Variants in COL8A1 observed in about 807,000 individuals in gnomAD.
The protein encoded by COL8A1 is collagen alpha-1(VIII) chain.
Under a neutral mutation model 42.7 loss-of-function variants are expected in COL8A1, and 21 were observed. The observed-to-expected ratio is 0.49, with a 90% CI of 0.35 to 0.71. The LOEUF is 0.71. Among genes scored for constraint, COL8A1 ranks in the 30% least tolerant of loss-of-function variants. COL8A1 has a pLI of 0.01. For missense variants in COL8A1, 788 were observed against 962.4 expected, an observed-to-expected ratio of 0.82 and a Z score of 2.40; for synonymous variants, 367 against 369.1, an observed-to-expected ratio of 0.99 and a Z score of 0.06.
At chr3:99,755,898 G>A (rs1269012955) in intron 2 of COL8A1, among the ~76,000 whole-genome samples, 3 of 152,014 alleles carry the variant, frequency 2.0e-5, no homozygotes, top group African/African-American at 7.3e-5. Context: ...AACTGGGGTG[G>A]GGAGCCACAG....
In COL8A1 at chr3:99,794,366, A is replaced by G; in HGVS notation, c.465A>G (p.Pro155=). Residue 155 remains proline, a synonymous_variant, in exon 4 of 4, where the codon CCA becomes CCG. Coordinates refer to ENST00000652472, the MANE Select transcript of COL8A1 (RefSeq NM_020351.4). This position sits in a 1 kb window ranked among gnomAD's most constrained non-coding sequence, Gnocchi z 4.3. ...IKGKPGPQGY[P]GVGKPGMPGM... is the part of the protein sequence containing the mutation. ...GAAAACCAGGGCCACAGGGATATCC[A>G]GGAGTTGGAAAGCCAGGTATGCCTG... 1 of 1,614,020 alleles carries G rather than the reference A, an allele frequency of 6.2e-7. No individual in the cohort carries two copies. The highest frequency in any genetic ancestry group is 2.2e-5 in the East Asian group (1 of 44,856).
At chr3:99,714,606 C>T (rs567180378) in intron 1 of COL8A1, among the ~76,000 whole-genome samples, 1 of 152,170 alleles carries the variant, frequency 6.6e-6, no homozygotes, top group Non-Finnish European at 1.5e-5. Context: ...GACAATAGTC[C>T]CAGGGACCTG....
At chr3:99,728,634 G>A (rs1209573740) in intron 1 of COL8A1, among the ~76,000 whole-genome samples, 1 of 151,802 alleles carries the variant, frequency 6.6e-6, no homozygotes, top group Non-Finnish European at 1.5e-5. Flanking sequence ...TTTTAAACTT[G>A]CCCAATACAA....
chr3:99,707,035 T>A (rs1939698817), intron 1 of COL8A1: 1 of 151,982 alleles, frequency 6.6e-6, no homozygotes, highest in Admixed American at 6.6e-5. Context: ...ATAAAATAGA[T>A]GAAAAATAAG....
In COL8A1 at chr3:99,697,056, G is replaced by T. The variant is rs1054316521; in HGVS notation, c.-128-47841G>T. On this transcript the variant is annotated intron_variant, in intron 1 of 3. Transcript: ENST00000652472. ...GGCTGGAGTGCAGTGGCGGGATCTC[G>T]GCTCACTGCAAGCTCCGCCTCCCGG... 6.9e-4 allele frequency among the ~76,000 whole-genome samples: 92 copies of T among 134,258 alleles called. 1 individual carries two copies. Among genetic ancestry groups the T allele is most frequent in the East Asian group, 4.4e-4 (2 of 4,534 alleles). 88.1% of individuals were successfully genotyped at this position (134,258 alleles called of 152,430 possible).
intron 1 of COL8A1, among the ~76,000 whole-genome samples, chr3:99,697,761 G>C (rs1229661992): frequency 6.6e-6 from 1 of 152,180 alleles, no homozygotes; most frequent in African/African-American, 2.4e-5. Context: ...ATACACATTC[G>C]AGCATTTCTT....
chr3:99,664,678 G>A (rs1396062655), intron 1 of COL8A1, among the ~76,000 whole-genome samples: 2 of 152,146 alleles, frequency 1.3e-5, no homozygotes, highest in Non-Finnish European at 2.9e-5. Flanking sequence ...AGGTCCTCAA[G>A]TGTTTGGGGA....
rs1942114769 is a variant in COL8A1, at chr3:99,796,696, A to G, written c.*560A>G. On this transcript the variant is annotated 3_prime_UTR_variant, in exon 4 of 4. Transcript: ENST00000652472. ...CCCTGGTAATGCTTTAGTCAAAGGG[A>G]TATCTCTCTTGTATCAGAGGCTGTG... 4 of 152,208 alleles carry G rather than the reference A, an allele frequency of 2.6e-5. No individual in the cohort carries two copies. In the South Asian group the frequency reaches 6.2e-4, roughly 24 times the overall value. 9.4% of individuals were successfully genotyped at this position (152,208 alleles called of 1,614,324 possible). A position where few individuals can be genotyped will look rare whatever the true frequency, so the allele number is the denominator to read the frequency against.
At chr3:99,733,692 T>A (rs1194589065) in intron 1 of COL8A1, among the ~76,000 whole-genome samples, 1 of 151,526 alleles carries the variant, frequency 6.6e-6, no homozygotes, top group Non-Finnish European at 1.5e-5. Context: ...TCAAATGGTA[T>A]TTCCAGTTCT....
intron 1 of COL8A1, among the ~76,000 whole-genome samples, chr3:99,639,695 C>T (rs2280505): frequency 0.31 from 47,525 of 152,032 alleles, 8,047 homozygotes; most frequent in African/African-American, 0.43. Flanking sequence ...TAAAACCAGA[C>T]ACTTGGTCCA....
In COL8A1 at chr3:99,697,427, T is replaced by C. The variant is rs577328717; in HGVS notation, c.-128-47470T>C. On this transcript the variant is annotated intron_variant, in intron 1 of 3. Transcript: ENST00000652472. ...GATCTGCTAATAAACTTTATAAGTT[T>C]ATGACTCAGAATTAAATTAGTCAGA... is the stretch of plus-strand genomic sequence containing the variant. 5.9e-5 allele frequency among the ~76,000 whole-genome samples: 9 copies of C among 152,336 alleles called. No homozygotes were observed. The East Asian group carries it at 1.7e-3, about 29-fold the overall frequency.
chr3:99,736,895 G>T (rs1171506877), intron 1 of COL8A1, among the ~76,000 whole-genome samples: 1 of 152,202 alleles, frequency 6.6e-6, no homozygotes, highest in Non-Finnish European at 1.5e-5. Context: ...TTCAGGACTT[G>T]CTTTATGAAT....
intron 2 of COL8A1, among the ~76,000 whole-genome samples, chr3:99,783,999 T>A (rs1281627977): frequency 6.6e-6 from 1 of 152,200 alleles, no homozygotes; most frequent in Non-Finnish European, 1.5e-5. Context: ...AAGCTTGTAT[T>A]CCTAGTCAGA....
chr3:99,669,944 G>A (rs992705742), intron 1 of COL8A1, among the ~76,000 whole-genome samples: 5 of 151,818 alleles, frequency 3.3e-5, no homozygotes, highest in East Asian at 1.9e-4. Flanking sequence ...TCATTCCAGC[G>A]GAAAAAATGT....
Position 99,791,140 on chromosome 3 carries a change from A to T in COL8A1, c.328+130A>T, listed in dbSNP as rs571463551. On this transcript the variant is annotated intron_variant, in intron 3 of 3. Transcript: ENST00000652472. Reference sequence around the variant, plus strand: ...TGTTACTGGCATTTTTAAAATGCCTACTGTGTTCTAACCATATTCTTGAAA... The same window carrying T: ...TGTTACTGGCATTTTTAAAATGCCTTCTGTGTTCTAACCATATTCTTGAAA... 49 of 780,038 alleles carry T rather than the reference A, an allele frequency of 6.3e-5. No homozygotes were observed. In the African/African-American group the frequency reaches 8.2e-4, roughly 13 times the overall value. 48.3% of individuals were successfully genotyped at this position (780,038 alleles called of 1,614,324 possible). A position where few individuals can be genotyped will look rare whatever the true frequency, so the allele number is the denominator to read the frequency against.
intron 2 of COL8A1, among the ~76,000 whole-genome samples, chr3:99,753,890 GA>G (rs916912091): frequency 1.6e-4 from 25 of 152,156 alleles, no homozygotes; most frequent in African/African-American, 6.0e-4. Flanking sequence ...ACAAAGCAAT[GA>G]AAAGACTTGC....
At position 99,710,254 on chromosome 3, in the gene COL8A1, C is replaced by T. The variant is rs1367529076; in HGVS notation, c.-128-34643C>T. ...GATATTTCCCAGACTTTTGCCTGCG[C>T]TACTCACCAAATATTCTCTTTGCCC... On this transcript the variant is annotated intron_variant, in intron 1 of 3. Coordinates refer to ENST00000652472, the MANE Select transcript of COL8A1 (RefSeq NM_020351.4). Among the ~76,000 whole-genome samples the T allele has an allele frequency of 4.6e-5, 7 of 152,254 alleles. No homozygotes were observed. The South Asian group carries it at 6.2e-4, about 14-fold the overall frequency.
At chr3:99,652,143 A>C (rs1937866400) in intron 1 of COL8A1, among the ~76,000 whole-genome samples, 1 of 152,250 alleles carries the variant, frequency 6.6e-6, no homozygotes, top group African/African-American at 2.4e-5. Context: ...ATCTGCAGAC[A>C]TGAGCCAGTG....
chr3:99,740,998 T>C (rs1357858459), intron 1 of COL8A1, among the ~76,000 whole-genome samples: 4 of 152,166 alleles, frequency 2.6e-5, no homozygotes, highest in African/African-American at 9.6e-5. Flanking sequence ...TCTGAATTCC[T>C]AGAAGCATCA....
Sources: gnomAD v4.1 joint callset for allele counts (sites outside exome capture counted in the v4.1 genomes callset) on GRCh38, gnomAD v4.1.1 for gene constraint, Gnocchi (gnomAD v3.1) non-coding constraint, MANE v1.5 for transcripts, NCBI Gene and HGNC (gene_info 2026-07-23, HGNC 2026-07-21) for gene names.